The following PLCL2 variants were observed in gnomAD, a reference collection of about 807,000 sequenced individuals.
PLCL2 encodes phospholipase C like 2, also known as inactive phospholipase C-like protein 2.
PLCL2 carries 4 observed loss-of-function variants against 79.6 expected under a neutral mutation model. That is an observed-to-expected ratio of 0.05 (90% CI 0.02 to 0.11). PLCL2 has a LOEUF of 0.11. Ranked by LOEUF, PLCL2 falls within the 10% of genes least tolerant of loss-of-function variation. The pLI is 1.00. For synonymous variants in PLCL2, 484 were observed against 457.7 expected, an observed-to-expected ratio of 1.06 and a Z score of -0.73; for missense variants, 895 against 1,291.0, an observed-to-expected ratio of 0.69 and a Z score of 4.70.
chr3:17,067,841 A>G (rs1042332463), intron 4 of PLCL2, 115 bp from the exon 5 acceptor site: 1 of 586,098 alleles, frequency 1.7e-6, no homozygotes, highest in African/African-American at 1.9e-5. Flanking sequence ...CACATTTATG[A>G]AATTCCACTG....
In PLCL2 at chr3:17,032,482, TTC is replaced by T. The variant is rs1490250009; in HGVS notation, c.3019-10390_3019-10389del. ...GCCTCTGTGATTTTGTCGATTTTTT[TTC>T]TTTTAATCCTGTAGATGTGCTTTTT... On this transcript the variant is annotated intron_variant, in intron 3 of 5. Transcript: ENST00000615277. 3.9e-5 allele frequency among the ~76,000 whole-genome samples: 6 copies of T among 152,328 alleles called. No individual in the cohort carries two copies. In the South Asian group the frequency reaches 1.2e-3, roughly 32 times the overall value.
At chr3:16,911,131 T>C (rs1454248298) in intron 1 of PLCL2, among the ~76,000 whole-genome samples, 1 of 151,578 alleles carries the variant, frequency 6.6e-6, no homozygotes, top group East Asian at 2.0e-4. Flanking sequence ...CATGTGCCTA[T>C]AATCCCAGCT....
intron 1 of PLCL2, among the ~76,000 whole-genome samples, chr3:16,898,514 G>C (rs1365726410): frequency 6.6e-6 from 1 of 152,220 alleles, no homozygotes; most frequent in Non-Finnish European, 1.5e-5. Flanking sequence ...GGGTCTGGAA[G>C]CAAGAGAGTG....
intron 1 of PLCL2, among the ~76,000 whole-genome samples, chr3:16,950,905 T>A (rs1199429321): frequency 6.6e-6 from 1 of 152,166 alleles, no homozygotes; most frequent in Non-Finnish European, 1.5e-5. Context: ...AGCCAGGATT[T>A]TATTTAGGCC....
intron 1 of PLCL2, among the ~76,000 whole-genome samples, chr3:16,917,296 G>A (rs1334504456): frequency 6.6e-6 from 1 of 152,188 alleles, no homozygotes; most frequent in African/African-American, 2.4e-5. Context: ...GTAATGTAGA[G>A]TCTTAACAGC....
chr3:16,942,322 G>A (rs1055225089), intron 1 of PLCL2, among the ~76,000 whole-genome samples: 10 of 152,212 alleles, frequency 6.6e-5, no homozygotes, highest in African/African-American at 2.4e-4. Context: ...GGGAAACCGA[G>A]CTCCTACCAC....
At chr3:17,078,464 T>G (rs946148882) in intron 5 of PLCL2, among the ~76,000 whole-genome samples, 14 of 152,052 alleles carry the variant, frequency 9.2e-5, no homozygotes, top group African/African-American at 3.4e-4. Context: ...GCTTTTTTTT[T>G]TTATAGCATC....
chr3:16,964,733 C>T (rs2063788439), intron 1 of PLCL2, among the ~76,000 whole-genome samples: 1 of 151,932 alleles, frequency 6.6e-6, no homozygotes, highest in South Asian at 2.1e-4. Context: ...GAGATGGTAT[C>T]TCATTGTGGT....
At chr3:16,944,267 A>C (rs1371018275) in intron 1 of PLCL2, among the ~76,000 whole-genome samples, 1 of 152,170 alleles carries the variant, frequency 6.6e-6, no homozygotes, top group African/African-American at 2.4e-5. Flanking sequence ...CAGGTTAGTC[A>C]ATCTTTTTAT....
At chr3:16,916,718 C>T (rs1354230753) in intron 1 of PLCL2, among the ~76,000 whole-genome samples, 1 of 152,090 alleles carries the variant, frequency 6.6e-6, no homozygotes, top group Non-Finnish European at 1.5e-5. Context: ...TTTACAATTA[C>T]TTTGATATCA....
intron 5 of PLCL2, among the ~76,000 whole-genome samples, chr3:17,082,399 T>C (rs930257532): frequency 6.6e-6 from 1 of 152,110 alleles, no homozygotes; most frequent in Non-Finnish European, 1.5e-5. Flanking sequence ...CCCAAAGTGC[T>C]GGGATTACAG....
intron 4 of PLCL2, among the ~76,000 whole-genome samples, chr3:17,048,507 G>T (rs950493928): frequency 6.6e-6 from 1 of 152,098 alleles, no homozygotes; most frequent in South Asian, 2.1e-4. Context: ...GTTATAAAAG[G>T]TTAAAATTTA....
intron 4 of PLCL2, among the ~76,000 whole-genome samples, chr3:17,060,586 G>T (rs926988406): frequency 2.6e-5 from 4 of 152,130 alleles, no homozygotes; most frequent in Non-Finnish European, 5.9e-5. Flanking sequence ...AGAGCATATA[G>T]TTTACAAAGG....
rs568835138 is a variant in PLCL2, at chr3:16,955,267, C to T, written c.328-54407C>T. ...TATGGCTAGCCAGTTTTCCCAGCAC[C>T]ATTTATTAAATAGGGAATCTTTCCT... On this transcript the variant is annotated intron_variant, in intron 1 of 5. Coordinates refer to ENST00000615277, the MANE Select transcript of PLCL2 (RefSeq NM_001144382.2). 9.8e-5 allele frequency among the ~76,000 whole-genome samples: 15 copies of T among 152,290 alleles called. No homozygotes were observed. In the South Asian group the frequency reaches 2.5e-3, roughly 25 times the overall value.
At chr3:16,955,381 A>G (rs374687214) in intron 1 of PLCL2, among the ~76,000 whole-genome samples, 1,642 of 152,100 alleles carry the variant, frequency 0.011, 30 homozygotes, top group Admixed American at 0.046. Flanking sequence ...TGTTCCATTG[A>G]TCTATATCTC....
intron 3 of PLCL2, among the ~76,000 whole-genome samples, chr3:17,027,806 TCTA>T (rs2064534416): frequency 2.0e-5 from 3 of 152,138 alleles, no homozygotes; most frequent in Admixed American, 1.3e-4. Context: ...TGAATATGGT[TCTA>T]CTAATTGTTA....
chr3:17,090,227 A>C lies in PLCL2; in HGVS notation c.*315A>C. The C allele has an allele frequency of 9.8e-7, 1 of 1,018,382 alleles. No homozygotes were observed. The highest frequency in any genetic ancestry group is 4.6e-5 in the South Asian group (1 of 21,670). 63.1% of individuals were successfully genotyped at this position (1,018,382 alleles called of 1,614,324 possible). On this transcript the variant is annotated 3_prime_UTR_variant, in exon 6 of 6. Coordinates refer to ENST00000615277, the MANE Select transcript of PLCL2 (RefSeq NM_001144382.2). ...ACTGAGAAACATTTTCCTAAGTGAA[A>C]ACAATTTCTTAAGATGGAAATGGAT...
chr3:16,980,503 G>A (rs12490561), intron 1 of PLCL2, among the ~76,000 whole-genome samples: 6,192 of 149,792 alleles, frequency 0.041, 192 homozygotes, highest in Middle Eastern at 0.086. Context: ...GGACGGGGCG[G>A]CAGGGCAGAG....
chr3:16,994,889 A>G (rs1301390290), intron 1 of PLCL2, among the ~76,000 whole-genome samples: 2 of 152,192 alleles, frequency 1.3e-5, no homozygotes, highest in African/African-American at 4.8e-5. Flanking sequence ...TTTGTGGGCT[A>G]TACAGGCATC....
Sources: gnomAD v4.1 joint callset for allele counts (sites outside exome capture counted in the v4.1 genomes callset) on GRCh38, gnomAD v4.1.1 for gene constraint, MANE v1.5 for transcripts, NCBI Gene and HGNC (gene_info 2026-07-23, HGNC 2026-07-21) for gene names.